Variants in ZFAND2A observed in about 807,000 individuals in gnomAD.
ZFAND2A encodes zinc finger AN1-type containing 2A, also known as AN1-type zinc finger protein 2A.
A neutral mutation model predicts 11.6 loss-of-function variants in ZFAND2A; 20 were observed. The ratio of observed to expected loss-of-function variants is 1.72; its 90% CI spans 1.21 to 2.50. ZFAND2A has a LOEUF of 2.50. Ranked by LOEUF, ZFAND2A falls within the 30% of genes most tolerant of loss-of-function variation. The pLI is 0.00. For missense variants in ZFAND2A, 234 were observed against 182.9 expected (o/e 1.28, Z -1.61); for synonymous variants, 93 against 60.6 (o/e 1.54, Z -2.48).
At position 1,155,563 on chromosome 7, in the gene ZFAND2A, G is replaced by A; in HGVS notation, c.172C>T (p.Pro58Ser). The A allele has an allele frequency of 6.2e-7, 1 of 1,613,336 alleles. No individual in the cohort carries two copies. The highest frequency in any genetic ancestry group is 1.7e-5 in the Admixed American group (1 of 59,896). Reference sequence around the variant, plus strand: ...ACTGGGATGGGGGTATTACAGAGTGGGCATACTGGGACGTGAACATCCTAA... The same window carrying A: ...ACTGGGATGGGGGTATTACAGAGTGAGCATACTGGGACGTGAACATCCTAA... The part of the protein sequence containing the change: ...FQKDVHVPVC[P>S]LCNTPIPVKK... Residue 58 changes from proline to serine, a missense_variant, in exon 4 of 5, where the codon CCA becomes TCA. Transcript: ENST00000316495.
intron 1 of ZFAND2A, among the ~76,000 whole-genome samples, chr7:1,158,529 C>T (rs1006019541): frequency 6.6e-6 from 1 of 152,342 alleles, no homozygotes; most frequent in South Asian, 2.1e-4. Context: ...AGAGCTAATT[C>T]ACACAGCTGC....
downstream of ZFAND2A, chr7:1,152,250 T>C (rs1793412449): frequency 1.3e-6 from 2 of 1,571,860 alleles, no homozygotes; most frequent in Non-Finnish European, 1.7e-6. Context: ...ATGAGCCGGG[T>C]GAACCAGTAC....
chr7:1,149,945 C>T (rs149704210), downstream of ZFAND2A, among the ~76,000 whole-genome samples: 607 of 151,758 alleles, frequency 4.0e-3, 2 homozygotes, highest in Middle Eastern at 0.021. Flanking sequence ...CTCTGCCTCC[C>T]GGGTTCAAGC....
chr7:1,158,421 C>G (rs191524845), intron 1 of ZFAND2A, among the ~76,000 whole-genome samples, 164 bp from the exon 2 acceptor site: 1 of 152,220 alleles, frequency 6.6e-6, no homozygotes, highest in African/African-American at 2.4e-5. Context: ...TAGTCAACCC[C>G]ATTAAGAGAC....
At chr7:1,153,394 C>A (rs1168998985) in intron 4 of ZFAND2A, among the ~76,000 whole-genome samples, 170 bp from the exon 5 acceptor site, 2 of 152,104 alleles carry the variant, frequency 1.3e-5, no homozygotes, top group African/African-American at 4.8e-5. Flanking sequence ...CAGGCACACA[C>A]CGCCACGTCC....
At chr7:1,151,776 C>CAAAAAAAAAA (rs1563158643), downstream of ZFAND2A, among the ~76,000 whole-genome samples, 39 of 52,582 alleles carry the variant, frequency 7.4e-4, no homozygotes, top group Non-Finnish European at 9.1e-4. Flanking sequence ...AAAAAAAAAG[C>CAAAAAAAAAA]AAAGCCAGCC....
At chr7:1,154,990 C>T (rs1191403202) in intron 4 of ZFAND2A, among the ~76,000 whole-genome samples, 1 of 152,134 alleles carries the variant, frequency 6.6e-6, no homozygotes, top group Non-Finnish European at 1.5e-5. Flanking sequence ...TGGTGGCATG[C>T]GCCTGTAGTC....
chr7:1,152,575 A>G (rs1193018543), downstream of ZFAND2A, among the ~76,000 whole-genome samples: 2 of 152,214 alleles, frequency 1.3e-5, no homozygotes, highest in Non-Finnish European at 2.9e-5. Context: ...TCGGGACCTC[A>G]GAGTGTGACC....
chr7:1,152,102 C>A, downstream of ZFAND2A: 1 of 1,091,250 alleles, frequency 9.2e-7, no homozygotes, highest in Non-Finnish European at 1.2e-6. Flanking sequence ...CTTGGGGTCC[C>A]AGTCCTGTGT....
chr7:1,159,259 G>T (rs1022045340), intron 1 of ZFAND2A, among the ~76,000 whole-genome samples: 1 of 152,230 alleles, frequency 6.6e-6, no homozygotes, highest in Non-Finnish European at 1.5e-5. Context: ...ACAAGAGTTT[G>T]ATGTGAATCC....
chr7:1,152,889 C>T (rs1434157061), downstream of ZFAND2A: 1 of 935,786 alleles, frequency 1.1e-6, no homozygotes, highest in Admixed American at 2.0e-5. Flanking sequence ...CAGCAGTGGG[C>T]AATGAGAACA....
chr7:1,149,854 T>G (rs1353836269), downstream of ZFAND2A, among the ~76,000 whole-genome samples: 1 of 75,914 alleles, frequency 1.3e-5, no homozygotes, highest in Non-Finnish European at 2.7e-5. Flanking sequence ...TGTTCTTAAG[T>G]TTTTTTTTTT....
chr7:1,157,896 G>C lies in ZFAND2A; in HGVS notation c.56-146C>G. Reference sequence around the variant, plus strand: ...GGCCACACATGTGAAAACAATCCCAGGGTCAGGCTGTCTTCTAGAGACCCC... The same window carrying C: ...GGCCACACATGTGAAAACAATCCCACGGTCAGGCTGTCTTCTAGAGACCCC... On this transcript the variant is annotated intron_variant, in intron 2 of 4. Transcript: ENST00000316495. 3 of 742,178 alleles carry C rather than the reference G, an allele frequency of 4.0e-6. No individual in the cohort carries two copies. The South Asian group carries it at 5.6e-5, about 14-fold the overall frequency. The allele number at this position is 742,178 out of a possible 1,614,324, so 46.0% of individuals were successfully genotyped here.
rs1179261678 is a variant in ZFAND2A, at chr7:1,153,200, C to T, written c.307G>A (p.Glu103Lys). The T allele has an allele frequency of 1.9e-6, 3 of 1,613,938 alleles. No homozygotes were observed. The South Asian group carries it at 3.3e-5, about 18-fold the overall frequency. Reference sequence around the variant, plus strand: ...AGCATCTCTTTCTTCTTGCAGCCCTCTTTTGAGCAACGGTATGTAAAAATC... The same window carrying T: ...AGCATCTCTTTCTTCTTGCAGCCCTTTTTTGAGCAACGGTATGTAAAAATC... ...EKIFTYRCSKEGCKKKEMLQM... is the reference protein window; with the variant it reads ...EKIFTYRCSKKGCKKKEMLQM... Residue 103 changes from glutamate to lysine, a missense_variant, in exon 5 of 5, where the codon GAG (glutamate) becomes AAG (lysine). Transcript: ENST00000316495.
chr7:1,158,339 A>G, intron 1 of ZFAND2A, 82 bp from the exon 2 acceptor site: 1 of 850,020 alleles, frequency 1.2e-6, no homozygotes, highest in Admixed American at 2.0e-5. Context: ...ACAGCTAATG[A>G]AAGTCAACAA....
downstream of ZFAND2A, among the ~76,000 whole-genome samples, chr7:1,151,388 G>A (rs1793395857): frequency 6.6e-6 from 1 of 152,054 alleles, no homozygotes; most frequent in African/African-American, 2.4e-5. Flanking sequence ...CCCCTTCTTG[G>A]CCAGATAGTC....
chr7:1,155,239 G>A (rs967619675), intron 4 of ZFAND2A, among the ~76,000 whole-genome samples: 4 of 152,242 alleles, frequency 2.6e-5, no homozygotes, highest in South Asian at 2.1e-4. Context: ...CAAGAAAGAC[G>A]AACCTGACCT....
downstream of ZFAND2A, among the ~76,000 whole-genome samples, chr7:1,150,803 G>A (rs375694185): frequency 6.0e-4 from 91 of 152,094 alleles, no homozygotes; most frequent in African/African-American, 2.1e-3. Context: ...TTCAACAGGT[G>A]GCATTTTGCA....
At chr7:1,149,733 C>A (rs1394719007), downstream of ZFAND2A, among the ~76,000 whole-genome samples, 1 of 152,226 alleles carries the variant, frequency 6.6e-6, no homozygotes, top group Non-Finnish European at 1.5e-5. Context: ...ATGCTGTAGG[C>A]CACTGCGGCA....
Sources: allele counts gnomAD v4.1 joint callset (sites outside exome capture counted in the v4.1 genomes callset), GRCh38; gene constraint gnomAD v4.1.1; transcripts MANE v1.5; gene names NCBI Gene and HGNC (gene_info 2026-07-23, HGNC 2026-07-21).